Variants in AFG1L observed in about 807,000 individuals in gnomAD.
AFG1L encodes AFG1 like ATPase.
Under a neutral mutation model 62.2 loss-of-function variants are expected in AFG1L, and 53 were observed. The observed-to-expected ratio is 0.85, with a 90% CI of 0.68 to 1.07. AFG1L has a LOEUF of 1.07. AFG1L is among the 50% of genes least tolerant of loss of function. The pLI, the probability that AFG1L is intolerant of heterozygous loss-of-function variation, is 0.00. For missense variants in AFG1L, 555 were observed against 590.5 expected (o/e 0.94, Z 0.62); for synonymous variants, 228 against 210.3 (o/e 1.08, Z -0.73).
intron 6 of AFG1L, among the ~76,000 whole-genome samples, chr6:108,394,275 G>C (rs957321029): frequency 3.9e-4 from 59 of 151,840 alleles, no homozygotes; most frequent in Non-Finnish European, 6.8e-4. Context: ...AGCCTCCCAA[G>C]TAGCTGGGAT....
At chr6:108,415,246 A>T (rs1459641857) in intron 7 of AFG1L, among the ~76,000 whole-genome samples, 1 of 152,234 alleles carries the variant, frequency 6.6e-6, no homozygotes, top group Non-Finnish European at 1.5e-5. Context: ...GGAGAACTGC[A>T]AACCACTGCT....
intron 5 of AFG1L, among the ~76,000 whole-genome samples, chr6:108,365,319 AAGTT>A (rs1229809757): frequency 6.6e-6 from 1 of 152,146 alleles, no homozygotes; most frequent in African/African-American, 2.4e-5. Flanking sequence ...CCTTTAGAAA[AAGTT>A]ACATCATTAA....
intron 10 of AFG1L, among the ~76,000 whole-genome samples, chr6:108,497,598 C>T (rs1467619124): frequency 6.6e-6 from 1 of 151,798 alleles, no homozygotes; most frequent in East Asian, 1.9e-4. Context: ...CTTTTTCCTT[C>T]TAGTTCTTGT....
At chr6:108,323,316 G>A (rs1331060034) in intron 1 of AFG1L, among the ~76,000 whole-genome samples, 1 of 151,928 alleles carries the variant, frequency 6.6e-6, no homozygotes, top group Non-Finnish European at 1.5e-5. Flanking sequence ...ATGGGTTTGG[G>A]GTTTGTTTCC....
chr6:108,494,314 T>A (rs2114859156), intron 10 of AFG1L, among the ~76,000 whole-genome samples: 1 of 152,048 alleles, frequency 6.6e-6, no homozygotes, highest in East Asian at 1.9e-4. Flanking sequence ...ATCTCCAGAA[T>A]TTGGAGATCT....
intron 7 of AFG1L, among the ~76,000 whole-genome samples, chr6:108,407,755 G>C (rs940617011): frequency 1.3e-4 from 20 of 150,872 alleles, no homozygotes; most frequent in Non-Finnish European, 2.4e-4. Context: ...TTCAGGTCTT[G>C]AACAGGTCTA....
intron 7 of AFG1L, among the ~76,000 whole-genome samples, chr6:108,446,810 T>A (rs960444070): frequency 6.6e-6 from 1 of 152,024 alleles, no homozygotes; most frequent in African/African-American, 2.4e-5. Flanking sequence ...CACTCCCAGC[T>A]CTCTTATGCT....
Position 108,490,252 on chromosome 6 carries a change from C to T in AFG1L, c.1062+12960C>T, listed in dbSNP as rs148325631. On this transcript the variant is annotated intron_variant, in intron 10 of 12. Transcript: ENST00000368977. The stretch of plus-strand genomic sequence containing the variant: ...CGCATGCCTTTTAGTCACAGCTACT[C>T]GGGAGGCTGAAGCAGGAGAATCACT... Among the ~76,000 whole-genome samples, 365 of 152,232 alleles carry T rather than the reference C, an allele frequency of 2.4e-3. 1 individual carries two copies. The highest frequency in any genetic ancestry group is 3.9e-3 in the Non-Finnish European group (263 of 68,010).
chr6:108,415,918 A>G (rs2114673151), intron 7 of AFG1L, among the ~76,000 whole-genome samples: 1 of 152,336 alleles, frequency 6.6e-6, no homozygotes, highest in South Asian at 2.1e-4. Flanking sequence ...AAATTGACAA[A>G]TGGGATCTAA....
intron 7 of AFG1L, among the ~76,000 whole-genome samples, chr6:108,415,617 C>T (rs951279032): frequency 1.3e-5 from 2 of 152,168 alleles, no homozygotes; most frequent in African/African-American, 4.8e-5. Context: ...AATAATTCCA[C>T]ACATCTGCAA....
rs1027053161 is a variant in AFG1L, at chr6:108,468,072, C to T, written c.891-8793C>T. 3.3e-5 allele frequency among the ~76,000 whole-genome samples: 5 copies of T among 152,180 alleles called. 1 individual carries two copies. Among genetic ancestry groups the T allele is most frequent in the Admixed American group, 3.3e-4 (5 of 15,278 alleles). The stretch of plus-strand genomic sequence containing the variant: ...CCAAGTGTCAGCACCCCACCAGAAT[C>T]TGTTCACTTCTGTCCACTGTCCCAT... On this transcript the variant is annotated intron_variant, in intron 8 of 12. Coordinates refer to ENST00000368977, the MANE Select transcript of AFG1L (RefSeq NM_145315.5).
At chr6:108,476,296 C>G (rs193256393) in intron 8 of AFG1L, among the ~76,000 whole-genome samples, 93 of 152,266 alleles carry the variant, frequency 6.1e-4, no homozygotes, top group Non-Finnish European at 1.1e-3. Context: ...AACAAGGAGA[C>G]TTTTGAGAGA....
At chr6:108,511,156 TAGG>T (rs1289982351) in intron 11 of AFG1L, among the ~76,000 whole-genome samples, 2 of 82,994 alleles carry the variant, frequency 2.4e-5, no homozygotes, top group Non-Finnish European at 5.0e-5. Context: ...AGGAGGGAGG[TAGG>T]AGGAAGGAAG....
chr6:108,379,967 C>T (rs970108459), intron 6 of AFG1L, among the ~76,000 whole-genome samples: 8 of 150,998 alleles, frequency 5.3e-5, no homozygotes, highest in African/African-American at 1.5e-4. Flanking sequence ...GTCAAGCTGC[C>T]GATCCAGGTG....
chr6:108,300,171 G>A (rs1776928598), intron 1 of AFG1L, among the ~76,000 whole-genome samples: 1 of 148,792 alleles, frequency 6.7e-6, no homozygotes, highest in Non-Finnish European at 1.5e-5. Context: ...TTTTTGAGGT[G>A]GAGTTTTGCT....
intron 7 of AFG1L, 46 bp downstream of exon 7, chr6:108,402,100 G>T: frequency 1.1e-6 from 1 of 916,462 alleles, no homozygotes; most frequent in South Asian, 1.9e-5. Context: ...CATACTTATT[G>T]ATAATCAAGG....
intron 1 of AFG1L, among the ~76,000 whole-genome samples, chr6:108,298,876 G>A (rs545963001): frequency 6.6e-6 from 1 of 152,178 alleles, no homozygotes; most frequent in Non-Finnish European, 1.5e-5. Flanking sequence ...TAGATAGAGT[G>A]TTAGGGAGTG....
intron 5 of AFG1L, among the ~76,000 whole-genome samples, chr6:108,362,402 A>G (rs1779578553): frequency 2.0e-5 from 3 of 152,086 alleles, no homozygotes; most frequent in Admixed American, 6.6e-5. Flanking sequence ...AATATTAGTT[A>G]CTGTTTATTG....
At chr6:108,339,984 G>T (rs1582400641) in intron 2 of AFG1L, among the ~76,000 whole-genome samples, 1 of 151,924 alleles carries the variant, frequency 6.6e-6, no homozygotes, top group Non-Finnish European at 1.5e-5. Context: ...CAAATAGTAG[G>T]ACTTATTCTT....
Sources: allele counts gnomAD v4.1 joint callset (sites outside exome capture counted in the v4.1 genomes callset), GRCh38; gene constraint gnomAD v4.1.1; transcripts MANE v1.5; gene names NCBI Gene and HGNC (gene_info 2026-07-23, HGNC 2026-07-21).